Variants in NCKAP5 observed in about 807,000 individuals in gnomAD.
The protein encoded by NCKAP5 is NCK associated protein 5.
In NCKAP5, 92 loss-of-function variants were observed where a neutral mutation model predicts 167.0. The ratio of observed to expected loss-of-function variants is 0.55; its 90% CI spans 0.47 to 0.66. NCKAP5 has a LOEUF of 0.66. Ranked by LOEUF, NCKAP5 falls within the 30% of genes least tolerant of loss-of-function variation. NCKAP5 has a pLI of 0.00. For synonymous variants in NCKAP5, 891 were observed against 877.4 expected, an observed-to-expected ratio of 1.02 and a Z score of -0.27; for missense variants, 2,378 against 2,315.0, an observed-to-expected ratio of 1.03 and a Z score of -0.56.
intron 8 of NCKAP5, among the ~76,000 whole-genome samples, chr2:132,935,534 G>T (rs1696774029): frequency 1.3e-5 from 2 of 152,248 alleles, no homozygotes; most frequent in Middle Eastern, 6.8e-3. Context: ...GAAATTATGG[G>T]AGCAAAAGCA....
chr2:133,444,493 T>A (rs1691074200), intron 3 of NCKAP5, among the ~76,000 whole-genome samples: 1 of 152,168 alleles, frequency 6.6e-6, no homozygotes, highest in African/African-American at 2.4e-5. Context: ...GAGAGGGAAG[T>A]TGAGACTTGG....
chr2:133,361,670 T>C (rs114678168), intron 3 of NCKAP5, among the ~76,000 whole-genome samples: 7 of 152,320 alleles, frequency 4.6e-5, no homozygotes, highest in African/African-American at 1.4e-4. Flanking sequence ...CATGTTAAAC[T>C]AACAGTTTGT....
intron 6 of NCKAP5, among the ~76,000 whole-genome samples, chr2:133,048,073 A>T (rs1388836299): frequency 1.3e-5 from 2 of 152,192 alleles, no homozygotes; most frequent in Non-Finnish European, 2.9e-5. Flanking sequence ...TGTGGTCTGC[A>T]TACCTTCCAC....
At chr2:133,153,833 C>CTTTTTTTT (rs570596198) in intron 5 of NCKAP5, among the ~76,000 whole-genome samples, 23 of 109,748 alleles carry the variant, frequency 2.1e-4, no homozygotes, top group African/African-American at 7.0e-4. Flanking sequence ...GTTCCTCCTT[C>CTTTTTTTT]TTTTTTTTTT....
At chr2:133,123,348 C>T (rs1486607882) in intron 6 of NCKAP5, 1 of 156,150 alleles carries the variant, frequency 6.4e-6, no homozygotes, top group Admixed American at 6.2e-5. Context: ...TAAGGGAGAG[C>T]TTACATGCTA....
At chr2:133,620,243 T>C in the NCKAP5 span, among the ~76,000 whole-genome samples, 1 of 152,018 alleles carries the variant, frequency 6.6e-6, no homozygotes, top group Admixed American at 6.6e-5. Context: ...TGTCTAATAC[T>C]AACATTGATG....
intron 4 of NCKAP5, among the ~76,000 whole-genome samples, chr2:133,225,759 G>GTGGGTCATCA (rs2086854095): frequency 6.8e-6 from 1 of 146,610 alleles, no homozygotes; most frequent in Non-Finnish European, 1.5e-5. Flanking sequence ...GATCACAGGT[G>GTGGGTCATCA]TGGGTCATCA....
chr2:133,141,572 T>C (rs1454866936), intron 5 of NCKAP5, among the ~76,000 whole-genome samples: 10 of 152,332 alleles, frequency 6.6e-5, no homozygotes, highest in Admixed American at 6.5e-4. Context: ...ATAATTATAA[T>C]GTCTACAACC....
chr2:132,875,373 C>T (rs1010304903), intron 9 of NCKAP5, among the ~76,000 whole-genome samples: 2 of 152,192 alleles, frequency 1.3e-5, no homozygotes, highest in African/African-American at 4.8e-5. Flanking sequence ...CTACCCGCTG[C>T]TCCTCCTGCC....
chr2:133,019,786 T>C (rs2078463312), intron 6 of NCKAP5, among the ~76,000 whole-genome samples: 1 of 152,234 alleles, frequency 6.6e-6, no homozygotes, highest in African/African-American at 2.4e-5. Context: ...AAAATCATAA[T>C]GGAGGATTAA....
At chr2:132,715,245 G>A (rs1012583835) in intron 19 of NCKAP5, among the ~76,000 whole-genome samples, 3 of 151,948 alleles carry the variant, frequency 2.0e-5, no homozygotes, top group South Asian at 2.1e-4. Flanking sequence ...CCTGAATACC[G>A]AGCCCTTTCT....
At chr2:133,624,947 G>T in the NCKAP5 span, among the ~76,000 whole-genome samples, 1 of 152,314 alleles carries the variant, frequency 6.6e-6, no homozygotes, top group South Asian at 2.1e-4. Context: ...AAAGCAAAAT[G>T]AAACAAAGTA....
chr2:133,176,302 C>A (rs1472056113), intron 5 of NCKAP5, among the ~76,000 whole-genome samples: 1 of 152,212 alleles, frequency 6.6e-6, no homozygotes, highest in African/African-American at 2.4e-5. Flanking sequence ...ATTGCCATAA[C>A]ACTGTGATTT....
intron 2 of NCKAP5, among the ~76,000 whole-genome samples, chr2:133,557,844 C>T (rs1027728175): frequency 3.3e-5 from 5 of 152,210 alleles, no homozygotes; most frequent in Admixed American, 6.5e-5. Context: ...GGTCCCCAGG[C>T]TGCCCTTGCA....
rs570712443 is a variant in NCKAP5 at position 132,750,597 on chromosome 2, C to A, written c.5129-18546G>T. On this transcript the variant is annotated intron_variant, in intron 16 of 19. Coordinates refer to ENST00000409261, the MANE Select transcript of NCKAP5 (RefSeq NM_207363.3). ...GGAAAAGATCATAATAGGAGGGTAA[C>A]CATGGTGAGGAGAAGGCATGGGAGC... Among the ~76,000 whole-genome samples the A allele has an allele frequency of 2.6e-4, 39 of 152,056 alleles. 2 individuals are homozygous for A. In the South Asian group the frequency reaches 7.7e-3, roughly 30 times the overall value.
chr2:132,794,294 AGAGAGAGAGAGAGG>A (rs1278255681), intron 12 of NCKAP5, among the ~76,000 whole-genome samples: 12 of 121,120 alleles, frequency 9.9e-5, no homozygotes, highest in East Asian at 4.6e-4. Context: ...AGAGAGAGAG[AGAGAGAGAGAGAGG>A]GTGGCGGGAA....
At chr2:133,296,448 A>C (rs1240565428) in intron 4 of NCKAP5, among the ~76,000 whole-genome samples, 1 of 152,150 alleles carries the variant, frequency 6.6e-6, no homozygotes, top group African/African-American at 2.4e-5. Flanking sequence ...CACAAAAAGA[A>C]AGAATATCTT....
Position 133,277,946 on chromosome 2 carries a change from C to T in NCKAP5, c.143+25091G>A. Among the ~76,000 whole-genome samples the T allele has an allele frequency of 1.3e-5, 2 of 151,962 alleles. 1 individual carries two copies. Among genetic ancestry groups the T allele is most frequent in the Non-Finnish European group, 2.9e-5 (2 of 67,972 alleles). ...TCGTTGGCCATTTGACCAAACATAACATTAAATGTATACCTCCCAAACCAT... is the reference window on the plus strand; with the variant it reads ...TCGTTGGCCATTTGACCAAACATAATATTAAATGTATACCTCCCAAACCAT... On this transcript the variant is annotated intron_variant, in intron 4 of 19. Transcript: ENST00000409261.
chr2:133,496,172 C>T (rs1681931275), intron 3 of NCKAP5, among the ~76,000 whole-genome samples: 2 of 152,242 alleles, frequency 1.3e-5, no homozygotes, highest in South Asian at 4.1e-4. Flanking sequence ...GAAGGGATTA[C>T]AAAGAAAATA....
Sources: allele counts gnomAD v4.1 joint callset (sites outside exome capture counted in the v4.1 genomes callset), GRCh38; gene constraint gnomAD v4.1.1; transcripts MANE v1.5; gene names NCBI Gene and HGNC (gene_info 2026-07-23, HGNC 2026-07-21).